The following AUTS2 variants were observed in gnomAD, a reference collection of about 807,000 sequenced individuals.
AUTS2 encodes autism susceptibility gene 2 protein.
A neutral mutation model predicts 112.4 loss-of-function variants in AUTS2; 17 were observed. The observed-to-expected ratio is 0.15, with a 90% CI of 0.10 to 0.23. The LOEUF (loss-of-function observed/expected upper bound fraction) is 0.23. AUTS2 is among the 10% of genes least tolerant of loss of function. The pLI is 1.00. For missense variants in AUTS2, 1,510 were observed against 1,701.6 expected, an observed-to-expected ratio of 0.89 and a Z score of 1.98; for synonymous variants, 751 against 702.7, an observed-to-expected ratio of 1.07 and a Z score of -1.09.
intron 4 of AUTS2, among the ~76,000 whole-genome samples, chr7:70,163,444 G>A (rs1252226008): frequency 6.8e-6 from 1 of 147,474 alleles, no homozygotes; most frequent in African/African-American, 2.5e-5. Context: ...TTTAGATTTC[G>A]CTCTGTCATG....
Position 69,599,780 on chromosome 7 carries a change from A to G in AUTS2, c.127A>G (p.Thr43Ala), listed in dbSNP as rs755792920. 1 of 1,531,436 alleles carries G rather than the reference A, an allele frequency of 6.5e-7. No individual in the cohort carries two copies. Among genetic ancestry groups the G allele is most frequent in the South Asian group, 1.2e-5 (1 of 83,208 alleles). The allele number at this position is 1,531,436 out of a possible 1,614,324, so 94.9% of individuals were successfully genotyped here. ...GGCCGGCGGCGGCGGGGCTGGCCGG[A>G]CCCGGGCGCTCTCACTCGCCTCGTC... ...GAAGGGGAGR[T>A]RALSLASSSG... The change falls in exon 1 of 19, where the codon ACC (threonine) becomes GCC (alanine). Residue 43 changes from threonine (T) to alanine (A), a missense_variant. By Grantham distance (58) the Thr-to-Ala change is moderately conservative. Coordinates refer to ENST00000342771, the MANE Select transcript of AUTS2 (RefSeq NM_015570.4). This position sits in a 1 kb window ranked among gnomAD's most constrained non-coding sequence, Gnocchi z 7.0.
intron 4 of AUTS2, among the ~76,000 whole-genome samples, chr7:70,226,940 T>C (rs1811795995): frequency 6.6e-6 from 1 of 152,164 alleles, no homozygotes; most frequent in Non-Finnish European, 1.5e-5. Flanking sequence ...ATTTTTGAAA[T>C]GAGTGGATGC....
chr7:69,914,352 C>CAGAG (rs1258384355), intron 2 of AUTS2, among the ~76,000 whole-genome samples: 1 of 126,178 alleles, frequency 7.9e-6, no homozygotes, highest in Admixed American at 9.1e-5. Context: ...GACACACACA[C>CAGAG]ACAGACACAC....
At chr7:70,629,634 C>T (rs4718971) in intron 5 of AUTS2, among the ~76,000 whole-genome samples, 50,301 of 152,034 alleles carry the variant, frequency 0.33, 8,787 homozygotes, top group South Asian at 0.53. Flanking sequence ...TGGTGACTGA[C>T]GGAGCCCCTG....
intron 1 of AUTS2, among the ~76,000 whole-genome samples, chr7:69,825,405 T>C (rs906585136): frequency 1.3e-5 from 2 of 152,182 alleles, no homozygotes; most frequent in Non-Finnish European, 2.9e-5. Flanking sequence ...AGGGTATAAC[T>C]GGGCTGAGAG....
At chr7:69,988,035 A>C (rs574649578) in intron 2 of AUTS2, among the ~76,000 whole-genome samples, 6 of 152,328 alleles carry the variant, frequency 3.9e-5, no homozygotes, top group African/African-American at 1.4e-4. Context: ...CACACAGATA[A>C]TACATCTACA....
intron 1 of AUTS2, among the ~76,000 whole-genome samples, chr7:69,724,498 G>A (rs1442814831): frequency 2.0e-5 from 3 of 151,924 alleles, no homozygotes; most frequent in Admixed American, 6.5e-5. Context: ...GTTGTCTTGT[G>A]CTCTCTGGAT....
At chr7:70,313,159 C>T (rs1021697724) in intron 4 of AUTS2, among the ~76,000 whole-genome samples, 3 of 152,192 alleles carry the variant, frequency 2.0e-5, no homozygotes, top group African/African-American at 4.8e-5. Flanking sequence ...CAGATCTCTT[C>T]GAGTTTAAGG....
intron 5 of AUTS2, among the ~76,000 whole-genome samples, chr7:70,653,704 G>A (rs1018909709): frequency 6.6e-6 from 1 of 152,138 alleles, no homozygotes; most frequent in African/African-American, 2.4e-5. Context: ...TGCCCATGAT[G>A]GCTACTCAAA....
At chr7:70,622,892 T>A (rs1804752911) in intron 5 of AUTS2, among the ~76,000 whole-genome samples, 1 of 151,870 alleles carries the variant, frequency 6.6e-6, no homozygotes, top group African/African-American at 2.4e-5. Context: ...GAGTTGGGGG[T>A]TGGCCAAAAT....
intron 4 of AUTS2, among the ~76,000 whole-genome samples, chr7:70,272,986 T>C (rs560123628): frequency 6.6e-6 from 1 of 152,290 alleles, no homozygotes; most frequent in African/African-American, 2.4e-5. Context: ...TTTTAAAAAT[T>C]CTGTGAGTTG....
intron 10 of AUTS2, among the ~76,000 whole-genome samples, chr7:70,770,919 A>C (rs1790296387): frequency 6.6e-6 from 1 of 152,228 alleles, no homozygotes; most frequent in African/African-American, 2.4e-5. Flanking sequence ...CTCCATTTAA[A>C]GTATACATCG....
chr7:70,361,036 C>T (rs962393430), intron 4 of AUTS2, among the ~76,000 whole-genome samples: 3 of 152,100 alleles, frequency 2.0e-5, no homozygotes, highest in East Asian at 1.9e-4. Context: ...TCAGCTACAC[C>T]CAGCCTCCCA....
intron 2 of AUTS2, among the ~76,000 whole-genome samples, chr7:69,908,324 A>G (rs914629814): frequency 1.1e-4 from 16 of 152,190 alleles, no homozygotes; most frequent in African/African-American, 3.9e-4. Context: ...ATGATGTTTA[A>G]AAGAACCTGT....
intron 4 of AUTS2, among the ~76,000 whole-genome samples, chr7:70,223,090 T>C (rs1339070179): frequency 6.6e-6 from 1 of 152,062 alleles, no homozygotes; most frequent in Non-Finnish European, 1.5e-5. Context: ...GGTTTCACCA[T>C]GTTGGCCAGG....
intron 4 of AUTS2, among the ~76,000 whole-genome samples, chr7:70,358,325 T>C (rs1048486265): frequency 5.3e-5 from 8 of 152,246 alleles, no homozygotes; most frequent in Admixed American, 4.6e-4. Flanking sequence ...AGTTTCCTTT[T>C]TCCAGGCCCA....
intron 2 of AUTS2, among the ~76,000 whole-genome samples, chr7:70,058,842 CA>C (rs1169450808): frequency 1.3e-5 from 2 of 152,058 alleles, no homozygotes; most frequent in African/African-American, 4.8e-5. Flanking sequence ...AATATTTACA[CA>C]CACACATACA....
chr7:70,600,662 A>G (rs1803430374), intron 5 of AUTS2, among the ~76,000 whole-genome samples: 1 of 152,168 alleles, frequency 6.6e-6, no homozygotes, highest in Admixed American at 6.5e-5. Context: ...CATTATCCCC[A>G]AAAGAGATCC....
intron 4 of AUTS2, among the ~76,000 whole-genome samples, chr7:70,297,734 G>A (rs1219393294): frequency 1.3e-5 from 2 of 152,038 alleles, no homozygotes; most frequent in Non-Finnish European, 2.9e-5. Flanking sequence ...ACACCTGAAC[G>A]ATGAATTTTT....
Sources: gnomAD v4.1 joint callset for allele counts (sites outside exome capture counted in the v4.1 genomes callset) on GRCh38, gnomAD v4.1.1 for gene constraint, Gnocchi (gnomAD v3.1) non-coding constraint, MANE v1.5 for transcripts, NCBI Gene and HGNC (gene_info 2026-07-23, HGNC 2026-07-21) for gene names.